The following CDH3 variants were observed in gnomAD, a reference collection of about 807,000 sequenced individuals.
CDH3 encodes cadherin-3.
A neutral mutation model predicts 82.0 loss-of-function variants in CDH3; 54 were observed. The ratio of observed to expected loss-of-function variants is 0.66; its 90% CI spans 0.53 to 0.83. CDH3 has a LOEUF of 0.83. CDH3 is among the 40% of genes least tolerant of loss of function. The probability of loss-of-function intolerance (pLI) is 0.00; values close to 1 mark genes in which losing one functional copy is unlikely to be tolerated. For synonymous variants in CDH3, 446 were observed against 437.9 expected, an observed-to-expected ratio of 1.02 and a Z score of -0.23; for missense variants, 1,054 against 1,084.6, an observed-to-expected ratio of 0.97 and a Z score of 0.40.
intron 2 of CDH3, among the ~76,000 whole-genome samples, chr16:68,661,121 A>G (rs1335169244): frequency 6.6e-6 from 1 of 152,216 alleles, no homozygotes; most frequent in East Asian, 1.9e-4. Context: ...GAAATTATGT[A>G]ACTTAAAACT....
intron 8 of CDH3, among the ~76,000 whole-genome samples, chr16:68,681,322 C>G (rs1163551047): frequency 6.6e-6 from 1 of 152,170 alleles, no homozygotes; most frequent in East Asian, 1.9e-4. Flanking sequence ...ATGAAATAAT[C>G]TATGTACGTT....
At chr16:68,686,637 AT>A in intron 11 of CDH3, 1 of 931,942 alleles carries the variant, frequency 1.1e-6, no homozygotes, top group Non-Finnish European at 1.8e-6. Flanking sequence ...GATGACAAGG[AT>A]TATCTCCTAT....
At chr16:68,647,918 T>C (rs868055517) in intron 2 of CDH3, among the ~76,000 whole-genome samples, 2 of 152,160 alleles carry the variant, frequency 1.3e-5, no homozygotes, top group Non-Finnish European at 2.9e-5. Context: ...ATCACCCCTG[T>C]TGTTCGCCCC....
chr16:68,662,239 G>A lies in CDH3; in HGVS notation c.161-14146G>A, dbSNP rs1344380972. 1.3e-5 allele frequency among the ~76,000 whole-genome samples: 2 copies of A among 152,154 alleles called. 1 individual carries two copies. Among genetic ancestry groups the A allele is most frequent in the South Asian group, 4.1e-4 (2 of 4,832 alleles). Reference sequence around the variant, plus strand: ...AGTGTGTGCAAAGGCCCTGTGGTAGGGGGTTATGCTGTATTTAAGAAGAGG... The same window carrying A: ...AGTGTGTGCAAAGGCCCTGTGGTAGAGGGTTATGCTGTATTTAAGAAGAGG... On this transcript the variant is annotated intron_variant, in intron 2 of 15. Transcript: ENST00000264012.
At position 68,681,116 on chromosome 16, in the gene CDH3, C is replaced by T; in HGVS notation, c.996+20C>T. 1 of 1,613,574 alleles carries T rather than the reference C, an allele frequency of 6.2e-7. No homozygotes were observed. Among genetic ancestry groups the T allele is most frequent in the African/African-American group, 1.3e-5 (1 of 75,040 alleles). On this transcript the variant is annotated intron_variant, in intron 8 of 15. Coordinates refer to ENST00000264012, the MANE Select transcript of CDH3 (RefSeq NM_001793.6). ...CAGAAGGTAATGCCCCTTCCTCACT[C>T]AGTCCCTCATCAGATAATGAAGGAC... is the stretch of plus-strand genomic sequence containing the variant.
intron 2 of CDH3, among the ~76,000 whole-genome samples, chr16:68,666,836 A>G (rs889975310): frequency 6.6e-6 from 1 of 152,066 alleles, no homozygotes; most frequent in Non-Finnish European, 1.5e-5. Flanking sequence ...TAGATTAGGC[A>G]TTTGGGTGAC....
At chr16:68,711,938 A>G (rs7186693) in intron 1 of CDH3, among the ~76,000 whole-genome samples, 57,299 of 151,670 alleles carry the variant, frequency 0.38, 11,984 homozygotes, top group East Asian at 0.49. Flanking sequence ...CCTAAGATGG[A>G]AGTTTTGAGA....
intron 1 of CDH3, among the ~76,000 whole-genome samples, chr16:68,705,488 T>C (rs561124804): frequency 1.1e-3 from 169 of 152,156 alleles, no homozygotes; most frequent in African/African-American, 3.6e-3. Context: ...TGACGCGATC[T>C]TGGCTCACTG....
chr16:68,648,607 A>G (rs1038928651), intron 2 of CDH3, among the ~76,000 whole-genome samples: 1 of 152,058 alleles, frequency 6.6e-6, no homozygotes, highest in African/African-American at 2.4e-5. Context: ...ATGTGCTACC[A>G]TGCCTGGCTA....
chr16:68,704,709 T>C (rs2152109254), downstream of CDH3, among the ~76,000 whole-genome samples: 1 of 152,326 alleles, frequency 6.6e-6, no homozygotes, highest in South Asian at 2.1e-4. Flanking sequence ...GTCAGTTACA[T>C]GTTCTCCCGC....
At chr16:68,673,718 A>G (rs1468512112) in intron 2 of CDH3, among the ~76,000 whole-genome samples, 1 of 152,148 alleles carries the variant, frequency 6.6e-6, no homozygotes, top group East Asian at 1.9e-4. Context: ...TGAGGCCAGG[A>G]GTTCGAGACC....
At chr16:68,682,660 T>C (rs565200565) in intron 9 of CDH3, among the ~76,000 whole-genome samples, 173 bp downstream of exon 9, 1 of 152,284 alleles carries the variant, frequency 6.6e-6, no homozygotes, top group Admixed American at 6.5e-5. Context: ...TCAAACTAAA[T>C]CTTACCCAGG....
Position 68,698,490 on chromosome 16 carries a change from G to A in CDH3, c.*90G>A. On this transcript the variant is annotated 3_prime_UTR_variant, in exon 16 of 16. Coordinates refer to ENST00000264012, the MANE Select transcript of CDH3 (RefSeq NM_001793.6). The stretch of plus-strand genomic sequence containing the variant: ...TCCCCCTTCAGCTGAGGACTTCGGA[G>A]CTTGTCAGGAAGTGGCCGTAGCAAC... 4 of 1,233,500 alleles carry A rather than the reference G, an allele frequency of 3.2e-6. No homozygotes were observed. The highest frequency in any genetic ancestry group is 4.7e-6 in the Non-Finnish European group (4 of 847,696). The allele number at this position is 1,233,500 out of a possible 1,614,324, so 76.4% of individuals were successfully genotyped here.
intron 12 of CDH3, among the ~76,000 whole-genome samples, chr16:68,690,750 T>A (rs1961542506): frequency 6.6e-6 from 1 of 151,864 alleles, no homozygotes; most frequent in Non-Finnish European, 1.5e-5. Context: ...CTACTAAAAA[T>A]ACAAAAATTA....
In CDH3 at chr16:68,686,357, C is replaced by T. The variant is rs767274087; in HGVS notation, c.1570+1007C>T. 290 of 1,052,196 alleles carry T rather than the reference C, an allele frequency of 2.8e-4. 1 individual carries two copies. The highest frequency in any genetic ancestry group is 4.0e-4 in the Non-Finnish European group (273 of 674,770). The allele number at this position is 1,052,196 out of a possible 1,614,324, so 65.2% of individuals were successfully genotyped here. On this transcript the variant is annotated intron_variant, in intron 11 of 15. Coordinates refer to ENST00000264012, the MANE Select transcript of CDH3 (RefSeq NM_001793.6). ...TGCGGCGCTACACAAGAGCAGAGTA[C>T]GAGTCTGAGGTGGAGGGAGTCATGG...
intron 2 of CDH3, 170 bp downstream of exon 2, chr16:68,645,920 G>A: frequency 1.6e-6 from 1 of 607,938 alleles, no homozygotes; most frequent in Non-Finnish European, 2.9e-6. Context: ...GGCTGACGGA[G>A]AAGGCTGGGC....
chr16:68,659,462 C>T (rs1052169530), intron 2 of CDH3, among the ~76,000 whole-genome samples: 2 of 151,784 alleles, frequency 1.3e-5, no homozygotes, highest in Non-Finnish European at 2.9e-5. Context: ...CCCATCTACT[C>T]TACTCAGGTG....
intron 6 of CDH3, 33 bp from the exon 7 acceptor site, chr16:68,679,766 T>A (rs756743593): frequency 6.8e-7 from 1 of 1,472,258 alleles, no homozygotes; most frequent in Non-Finnish European, 9.5e-7. Context: ...GAGTTGGAAC[T>A]GGGAGGAAAA....
Position 68,691,596 on chromosome 16 carries a change from T to C in CDH3, c.1796-124T>C, listed in dbSNP as rs374452054. 96 of 773,176 alleles carry C rather than the reference T, an allele frequency of 1.2e-4. No homozygotes were observed. The African/African-American group carries it at 1.5e-3, about 12-fold the overall frequency. The allele number at this position is 773,176 out of a possible 1,614,324, so 47.9% of individuals were successfully genotyped here. On this transcript the variant is annotated intron_variant, in intron 12 of 15. Coordinates refer to ENST00000264012, the MANE Select transcript of CDH3 (RefSeq NM_001793.6). ...GCTTTTACTGCTATTTTCCAAAGTG[T>C]GCTTGTGGAGTATTTCTCTGCATTG...
Sources: allele counts gnomAD v4.1 joint callset (sites outside exome capture counted in the v4.1 genomes callset), GRCh38; gene constraint gnomAD v4.1.1; transcripts MANE v1.5; gene names NCBI Gene and HGNC (gene_info 2026-07-23, HGNC 2026-07-21).